Variants in ST18 observed in about 807,000 individuals in gnomAD.
ST18 encodes suppression of tumorigenicity 18 protein.
A neutral mutation model predicts 110.0 loss-of-function variants in ST18; 50 were observed. The ratio of observed to expected loss-of-function variants is 0.45; its 90% confidence interval spans 0.36 to 0.58. The LOEUF (loss-of-function observed/expected upper bound fraction) is 0.58, where lower values mean the gene tolerates loss of function less well. ST18 is among the 20% of genes least tolerant of loss of function. ST18 has a pLI of 0.00. For missense variants in ST18, 1,306 were observed against 1,280.1 expected (o/e 1.02, Z -0.31); for synonymous variants, 461 against 452.4 (o/e 1.02, Z -0.24).
chr8:52,233,204 C>T (rs2091899135), intron 2 of ST18, among the ~76,000 whole-genome samples: 1 of 152,148 alleles, frequency 6.6e-6, no homozygotes, highest in Admixed American at 6.5e-5. Context: ...TCATTAAGCA[C>T]CTATTCTTCT....
At chr8:52,387,796 G>GT (rs1480927098) in intron 2 of ST18, among the ~76,000 whole-genome samples, 3 of 152,112 alleles carry the variant, frequency 2.0e-5, no homozygotes, top group Admixed American at 1.3e-4. Flanking sequence ...TTTGCAAAAT[G>GT]TTTTTTTAAA....
chr8:52,231,603 A>C (rs2091382065), intron 2 of ST18, among the ~76,000 whole-genome samples: 1 of 151,990 alleles, frequency 6.6e-6, no homozygotes, highest in Non-Finnish European at 1.5e-5. Flanking sequence ...CAGCCACATG[A>C]GTAGCTGGGA....
At chr8:52,172,659 A>G in intron 9 of ST18, 76 bp from the exon 10 acceptor site, 3 of 1,148,622 alleles carry the variant, frequency 2.6e-6, no homozygotes, top group Non-Finnish European at 3.6e-6. Context: ...AGTTATATGT[A>G]TATAAACATA....
chr8:52,344,339 A>G (rs2140240755), intron 2 of ST18, among the ~76,000 whole-genome samples: 1 of 152,312 alleles, frequency 6.6e-6, no homozygotes, highest in African/African-American at 2.4e-5. Context: ...AAACAGGAGC[A>G]TGGAAAGTGT....
At chr8:52,306,131 C>A (rs1401121847) in intron 2 of ST18, among the ~76,000 whole-genome samples, 1 of 152,234 alleles carries the variant, frequency 6.6e-6, no homozygotes, top group Admixed American at 6.5e-5. Context: ...AAATGCTCTT[C>A]CCCACATCCG....
At chr8:52,295,568 T>TTC (rs965970708) in intron 2 of ST18, among the ~76,000 whole-genome samples, 4 of 152,070 alleles carry the variant, frequency 2.6e-5, no homozygotes, top group African/African-American at 4.8e-5. Context: ...AAATTTCATT[T>TTC]TCTCTCTCTC....
intron 2 of ST18, among the ~76,000 whole-genome samples, chr8:52,378,973 T>A (rs188180303): frequency 6.6e-6 from 1 of 152,338 alleles, no homozygotes; most frequent in East Asian, 1.9e-4. Flanking sequence ...CATCATGCTT[T>A]CAATTGTCAT....
chr8:52,228,567 A>ATTTT (rs2090301024), intron 3 of ST18, among the ~76,000 whole-genome samples: 1 of 152,198 alleles, frequency 6.6e-6, no homozygotes, highest in Admixed American at 6.5e-5. Flanking sequence ...GAGGCGGCAC[A>ATTTT]GTAGTTTCTA....
chr8:52,281,271 T>C (rs1310360723), intron 2 of ST18, among the ~76,000 whole-genome samples: 3 of 152,064 alleles, frequency 2.0e-5, no homozygotes, highest in African/African-American at 7.2e-5. Context: ...TTTAAGAATT[T>C]AGAACAACAA....
chr8:52,190,483 A>T (rs1009786498), intron 8 of ST18, among the ~76,000 whole-genome samples: 1 of 152,190 alleles, frequency 6.6e-6, no homozygotes, highest in African/African-American at 2.4e-5. Context: ...CATCACGTCA[A>T]ACAAGTACTG....
rs2065142750 is a variant in ST18 at position 52,172,023 on chromosome 8, C to T, written c.838G>A (p.Glu280Lys). ...ACTGCCAGGCTCTCGCTATCTTCCT[C>T]CTCAACGTCAGGGAATGAGGGCTGG... ...NAQPSFPDVE[E>K]EDSESLAVMT... The change falls in exon 10 of 26, where the codon GAG (glutamate) becomes AAG (lysine). Residue 280 changes from glutamate to lysine, a missense_variant. Glu to Lys is a moderately conservative substitution (Grantham distance 56). Transcript: ENST00000689386. 1.2e-6 allele frequency: 2 copies of T among 1,614,206 alleles called. No individual in the cohort carries two copies. Among genetic ancestry groups the T allele is most frequent in the Non-Finnish European group, 1.7e-6 (2 of 1,180,036 alleles).
chr8:52,341,731 A>G (rs1815113534), intron 2 of ST18, among the ~76,000 whole-genome samples: 1 of 152,170 alleles, frequency 6.6e-6, no homozygotes, highest in Admixed American at 6.5e-5. Context: ...GAATAGTGAG[A>G]TTTTCCTTGC....
intron 2 of ST18, among the ~76,000 whole-genome samples, chr8:52,364,514 C>T (rs535747854): frequency 1.5e-4 from 23 of 152,190 alleles, no homozygotes; most frequent in Non-Finnish European, 2.4e-4. Context: ...TGCATATACA[C>T]TTCAGACACT....
At chr8:52,319,433 C>T (rs1279839654) in intron 2 of ST18, among the ~76,000 whole-genome samples, 2 of 151,938 alleles carry the variant, frequency 1.3e-5, no homozygotes, top group Non-Finnish European at 2.9e-5. Flanking sequence ...CAGTTTTTCC[C>T]ATTTCTTCTT....
intron 3 of ST18, chr8:52,222,115 C>T (rs1383961501): frequency 2.0e-5 from 3 of 152,138 alleles, no homozygotes; most frequent in Non-Finnish European, 4.4e-5. Context: ...GTCTAATACC[C>T]TATCGTGTTA....
intron 2 of ST18, among the ~76,000 whole-genome samples, chr8:52,277,055 C>T (rs1349491817): frequency 2.0e-5 from 3 of 152,196 alleles, no homozygotes; most frequent in African/African-American, 7.2e-5. Context: ...GCATGAGCCA[C>T]AGTGCCTGGT....
At chr8:52,135,198 T>G (rs2131678095) in intron 19 of ST18, among the ~76,000 whole-genome samples, 1 of 152,062 alleles carries the variant, frequency 6.6e-6, no homozygotes, top group Non-Finnish European at 1.5e-5. Context: ...TATATTTTAG[T>G]CTAGAAAAAT....
intron 2 of ST18, among the ~76,000 whole-genome samples, chr8:52,358,903 A>G (rs980743227): frequency 5.3e-5 from 8 of 151,970 alleles, no homozygotes; most frequent in African/African-American, 1.4e-4. Flanking sequence ...CCAGATAAAG[A>G]CATCAGAAGA....
At chr8:52,232,221 T>C (rs2091603064) in intron 2 of ST18, among the ~76,000 whole-genome samples, 3 of 152,210 alleles carry the variant, frequency 2.0e-5, no homozygotes, top group African/African-American at 7.2e-5. Flanking sequence ...CTCATTGAAG[T>C]ACATTCTCAG....
Sources: allele counts gnomAD v4.1 joint callset (sites outside exome capture counted in the v4.1 genomes callset), GRCh38; gene constraint gnomAD v4.1.1; transcripts MANE v1.5; gene names NCBI Gene and HGNC (gene_info 2026-07-23, HGNC 2026-07-21).